Variants in MACROH2A1 observed in about 807,000 individuals in gnomAD.
MACROH2A1 encodes core histone macro-H2A.1.
MACROH2A1 carries 2 observed loss-of-function variants against 31.6 expected under a neutral mutation model. The ratio of observed to expected loss-of-function variants is 0.06; its 90% CI spans 0.03 to 0.20. The LOEUF (loss-of-function observed/expected upper bound fraction) is 0.20, where lower values mean the gene tolerates loss of function less well. Ranked by LOEUF, MACROH2A1 falls within the 10% of genes least tolerant of loss-of-function variation. MACROH2A1 has a pLI of 1.00. For synonymous variants in MACROH2A1, 169 were observed against 189.6 expected (o/e 0.89, Z 0.89); for missense variants, 230 against 474.0 (o/e 0.49, Z 4.78).
At chr5:135,357,697 C>T (rs1379940552) in intron 5 of MACROH2A1, 1 of 981,974 alleles carries the variant, frequency 1.0e-6, no homozygotes, top group Non-Finnish European at 1.2e-6. Flanking sequence ...CTTGGCTGAA[C>T]ACAAAGCAAA....
Position 135,334,938 on chromosome 5 carries a change from T to C in MACROH2A1, c.*38A>G. 6.4e-7 allele frequency: 1 copy of C among 1,554,230 alleles called. No individual in the cohort carries two copies. Among genetic ancestry groups the C allele is most frequent in the Non-Finnish European group, 8.8e-7 (1 of 1,136,936 alleles). ...TTTTTTTTTTCTTTTAAACTGAAGG[T>C]GGGGTACATGGTGCAGCTGGTTCTG... On this transcript the variant is annotated 3_prime_UTR_variant, in exon 9 of 9. Transcript: ENST00000511689.
chr5:135,345,705 T>C, intron 7 of MACROH2A1: 2 of 418,872 alleles, frequency 4.8e-6, no homozygotes, highest in South Asian at 7.2e-5. Context: ...ACTCAGCTCC[T>C]ATAATTTCTT....
At chr5:135,383,375 TTACACA>T (rs1196623625) in intron 2 of MACROH2A1, among the ~76,000 whole-genome samples, 1 of 152,220 alleles carries the variant, frequency 6.6e-6, no homozygotes, top group Non-Finnish European at 1.5e-5. Context: ...GGTCTGTCTT[TTACACA>T]TACACAAAAG....
chr5:135,373,120 G>A (rs1290847098), intron 2 of MACROH2A1, among the ~76,000 whole-genome samples: 1 of 152,206 alleles, frequency 6.6e-6, no homozygotes, highest in Non-Finnish European at 1.5e-5. Flanking sequence ...AGTTTCTCAG[G>A]AAAGTGGAGG....
intron 2 of MACROH2A1, among the ~76,000 whole-genome samples, chr5:135,370,404 G>A (rs1277746410): frequency 6.6e-6 from 1 of 152,208 alleles, no homozygotes; most frequent in Non-Finnish European, 1.5e-5. Flanking sequence ...AGATCACTGA[G>A]TGAGTGAGTG....
chr5:135,334,823 CA>C lies in MACROH2A1; in HGVS notation c.*152del, dbSNP rs926357149. The C allele has an allele frequency of 2.2e-5, 15 of 667,148 alleles. No individual in the cohort carries two copies. In the African/African-American group the frequency reaches 2.7e-4, roughly 12 times the overall value. The allele number at this position is 667,148 out of a possible 1,614,324, so 41.3% of individuals were successfully genotyped here. A position where few individuals can be genotyped will look rare whatever the true frequency, so the allele number is the denominator to read the frequency against. On this transcript the variant is annotated 3_prime_UTR_variant, in exon 9 of 9. Transcript: ENST00000511689. The stretch of plus-strand genomic sequence containing the variant: ...TAAAAACATTTTAGAAGGTCAAAAA[CA>C]ATTAAACTGGAAACCAAAGCCTTAT...
chr5:135,389,088 C>G lies in MACROH2A1; in HGVS notation c.6G>C (p.Ser2=). 1 of 1,612,782 alleles carries G rather than the reference C, an allele frequency of 6.2e-7. No individual in the cohort carries two copies. Among genetic ancestry groups the G allele is most frequent in the Admixed American group, 1.7e-5 (1 of 59,988 alleles). Residue 2 remains serine (S), a synonymous_variant, in exon 2 of 9, where the codon TCG becomes TCC. Coordinates refer to ENST00000511689, the MANE Select transcript of MACROH2A1 (RefSeq NM_138610.3). Reference sequence around the variant, plus strand: ...TGGACTTCTTCTTCCCACCGCGGCTCGACATGGCGGTGGCCCTGGAGGCGG... The same window carrying G: ...TGGACTTCTTCTTCCCACCGCGGCTGGACATGGCGGTGGCCCTGGAGGCGG... M[S]SRGGKKKSTK...
At chr5:135,388,626 A>G (rs1241740547) in intron 2 of MACROH2A1, among the ~76,000 whole-genome samples, 1 of 152,256 alleles carries the variant, frequency 6.6e-6, no homozygotes, top group Non-Finnish European at 1.5e-5. Flanking sequence ...ATTATAAAGT[A>G]CATTATTGGG....
chr5:135,376,544 G>A (rs1764894628), intron 2 of MACROH2A1, among the ~76,000 whole-genome samples: 1 of 152,128 alleles, frequency 6.6e-6, no homozygotes, highest in African/African-American at 2.4e-5. Flanking sequence ...CTCACCTCTG[G>A]TGCTGTTTCA....
chr5:135,341,918 G>T (rs1194682706), intron 8 of MACROH2A1, among the ~76,000 whole-genome samples: 1 of 152,224 alleles, frequency 6.6e-6, no homozygotes, highest in Non-Finnish European at 1.5e-5. Context: ...GCTGGGAGGG[G>T]CTGATGGGCA....
In MACROH2A1 at chr5:135,388,865, T is replaced by C. The variant is rs543256127; in HGVS notation, c.172+57A>G. 605 of 1,397,516 alleles carry C rather than the reference T, an allele frequency of 4.3e-4. 6 individuals carry two copies. In the South Asian group the frequency reaches 5.4e-3, roughly 12 times the overall value. The allele number at this position is 1,397,516 out of a possible 1,614,324, so 86.6% of individuals were successfully genotyped here. A position where few individuals can be genotyped will look rare whatever the true frequency, so the allele number is the denominator to read the frequency against. On this transcript the variant is annotated intron_variant, in intron 2 of 8. Transcript: ENST00000511689. ...GAAACAAAAGTGGTCTTTGGAGAACTATGAGAACTTCTGCATCTTAAGCCA... is the reference window on the plus strand; with the variant it reads ...GAAACAAAAGTGGTCTTTGGAGAACCATGAGAACTTCTGCATCTTAAGCCA...
chr5:135,362,049 T>C (rs890658715), intron 4 of MACROH2A1: 6 of 152,216 alleles, frequency 3.9e-5, no homozygotes, highest in Admixed American at 2.6e-4. Flanking sequence ...ACAGGTATAA[T>C]CAACAATTAT....
intron 2 of MACROH2A1, among the ~76,000 whole-genome samples, chr5:135,382,077 A>G (rs1040719558): frequency 2.6e-5 from 4 of 152,246 alleles, no homozygotes; most frequent in African/African-American, 9.6e-5. Flanking sequence ...AAGAAGGCAC[A>G]CTTAGTTTTG....
At chr5:135,337,869 A>G in intron 8 of MACROH2A1, 1 of 899,266 alleles carries the variant, frequency 1.1e-6, no homozygotes, top group Admixed American at 5.0e-5. Context: ...TGGTGGGTGA[A>G]CATGAATCTG....
intron 6 of MACROH2A1, chr5:135,347,526 AG>A (rs1188288737): frequency 6.6e-6 from 1 of 152,260 alleles, no homozygotes; most frequent in Non-Finnish European, 1.5e-5. Flanking sequence ...AAAGCAGCAC[AG>A]GCTTTAAATG....
At chr5:135,366,769 T>C in intron 4 of MACROH2A1, among the ~76,000 whole-genome samples, 1 of 152,200 alleles carries the variant, frequency 6.6e-6, no homozygotes, top group East Asian at 1.9e-4. Flanking sequence ...CTCATACATG[T>C]GCCCTACTCA....
At chr5:135,364,884 GA>G (rs1763303079) in intron 4 of MACROH2A1, among the ~76,000 whole-genome samples, 1 of 152,162 alleles carries the variant, frequency 6.6e-6, no homozygotes, top group South Asian at 2.1e-4. Context: ...CTCAACAAGA[GA>G]AAGAGGCACT....
intron 4 of MACROH2A1, among the ~76,000 whole-genome samples, chr5:135,363,880 A>T (rs948268582): frequency 1.3e-5 from 2 of 152,154 alleles, no homozygotes; most frequent in African/African-American, 2.4e-5. Flanking sequence ...CTGGTGTGAG[A>T]TGGTATCTCA....
intron 5 of MACROH2A1, chr5:135,357,816 A>G: frequency 2.0e-6 from 2 of 984,034 alleles, no homozygotes; most frequent in Non-Finnish European, 2.4e-6. Context: ...ATGACTCCTG[A>G]GACTTCAGTA....
Sources: gnomAD v4.1 joint callset for allele counts (sites outside exome capture counted in the v4.1 genomes callset) on GRCh38, gnomAD v4.1.1 for gene constraint, MANE v1.5 for transcripts, NCBI Gene and HGNC (gene_info 2026-07-23, HGNC 2026-07-21) for gene names.